Variants in MOV10L1 observed in about 807,000 individuals in gnomAD.
MOV10L1 encodes the protein Mov10 like RNA helicase 1.
In MOV10L1, 110 loss-of-function variants were observed where a neutral mutation model predicts 143.8. The ratio of observed to expected loss-of-function variants is 0.76; its 90% CI spans 0.66 to 0.90. The LOEUF (loss-of-function observed/expected upper bound fraction) is 0.90. MOV10L1 is among the 40% of genes least tolerant of loss of function. The pLI is 0.00. For synonymous variants in MOV10L1, 593 were observed against 581.1 expected (o/e 1.02, Z -0.29); for missense variants, 1,406 against 1,526.8 (o/e 0.92, Z 1.32).
At chr22:50,120,169 G>T (rs1156275984) in intron 9 of MOV10L1, among the ~76,000 whole-genome samples, 1 of 152,198 alleles carries the variant, frequency 6.6e-6, no homozygotes, top group Non-Finnish European at 1.5e-5. Flanking sequence ...AGTAGGAAGA[G>T]CTTAGCTCAT....
chr22:50,107,330 G>C (rs1602158146), intron 3 of MOV10L1, among the ~76,000 whole-genome samples: 1 of 152,160 alleles, frequency 6.6e-6, no homozygotes, highest in Non-Finnish European at 1.5e-5. Flanking sequence ...CCAAAGTGCT[G>C]GGATTACAGG....
At chr22:50,121,271 A>G (rs1875128098) in intron 10 of MOV10L1, among the ~76,000 whole-genome samples, 1 of 152,172 alleles carries the variant, frequency 6.6e-6, no homozygotes, top group South Asian at 2.1e-4. Context: ...GGTGTTCACC[A>G]TGCGCCCTTC....
chr22:50,109,889 G>A (rs541005760), intron 5 of MOV10L1, among the ~76,000 whole-genome samples: 4 of 152,126 alleles, frequency 2.6e-5, no homozygotes, highest in South Asian at 2.1e-4. Context: ...GGTGGCTCAC[G>A]CCTGTAATCC....
chr22:50,122,292 G>A (rs1266639132), intron 10 of MOV10L1, among the ~76,000 whole-genome samples: 1 of 152,156 alleles, frequency 6.6e-6, no homozygotes, highest in East Asian at 1.9e-4. Context: ...TAATTTGTAA[G>A]TATTTTATTA....
chr22:50,118,027 C>T (rs1472033437), intron 9 of MOV10L1, among the ~76,000 whole-genome samples: 1 of 152,056 alleles, frequency 6.6e-6, no homozygotes, highest in Admixed American at 6.6e-5. Flanking sequence ...GGTTTGAGCT[C>T]TGCTACTACC....
At chr22:50,102,162 A>T (rs1411645096) in intron 3 of MOV10L1, among the ~76,000 whole-genome samples, 3 of 152,210 alleles carry the variant, frequency 2.0e-5, no homozygotes, top group African/African-American at 7.2e-5. Flanking sequence ...AGGCTGAGAG[A>T]GTCACACTCA....
intron 20 of MOV10L1, among the ~76,000 whole-genome samples, chr22:50,150,337 C>T (rs781132301): frequency 2.6e-5 from 4 of 152,138 alleles, no homozygotes; most frequent in African/African-American, 7.2e-5. Flanking sequence ...GGCAGAGCAG[C>T]GGCATAGGGC....
Position 50,134,533 on chromosome 22 carries a change from T to C in MOV10L1, c.1973T>C (p.Leu658Ser). 1 of 1,614,084 alleles carries C rather than the reference T, an allele frequency of 6.2e-7. No individual in the cohort carries two copies. The highest frequency in any genetic ancestry group is 8.5e-7 in the Non-Finnish European group (1 of 1,179,942). ...TTACCATTTTTTGTTTTAAAAGTGT[T>C]GTTTCCAGAAGAAATTATTTTACAG... ...EHVIHLGVKV[L>S]FPEEIILQSP... is the part of the protein sequence containing the mutation. The change falls in exon 15 of 27, where the codon TTG (leucine) becomes TCG (serine). Residue 658 changes from leucine to serine, a missense_variant. By Grantham distance (145) the Leu-to-Ser change is moderately radical (BLOSUM62 -2). Around this residue, in one of 3 missense-constraint regions of MOV10L1, gnomAD observed 1,233 missense variants for 1,351.4 expected, o/e 0.91. Transcript: ENST00000262794.
intron 5 of MOV10L1, among the ~76,000 whole-genome samples, chr22:50,110,171 C>T (rs1036664872): frequency 4.7e-5 from 7 of 150,440 alleles, no homozygotes; most frequent in Non-Finnish European, 8.9e-5. Context: ...ACTGTCTTGC[C>T]GGGCGCGGTG....
At chr22:50,094,704 A>G (rs2062544651) in intron 2 of MOV10L1, 2 of 152,162 alleles carry the variant, frequency 1.3e-5, no homozygotes, top group Admixed American at 6.5e-5. Flanking sequence ...AGCGATTTTT[A>G]AATGTAATTT....
chr22:50,159,922 C>A lies in MOV10L1; in HGVS notation c.3324+137C>A. On this transcript the variant is annotated intron_variant, in intron 24 of 26. Coordinates refer to ENST00000262794, the MANE Select transcript of MOV10L1 (RefSeq NM_018995.3). The surrounding 1 kb of genome is among the most constrained non-coding windows in gnomAD (Gnocchi z 4.1). Reference sequence around the variant, plus strand: ...GCTGCAGGCGGAGACTCCCTAGGTCCAGGAGCCATTGTAAGCAGTGGCTGT... The same window carrying A: ...GCTGCAGGCGGAGACTCCCTAGGTCAAGGAGCCATTGTAAGCAGTGGCTGT... 1.6e-6 allele frequency: 1 copy of A among 615,496 alleles called. No individual in the cohort carries two copies. Among genetic ancestry groups the A allele is most frequent in the Non-Finnish European group, 2.9e-6 (1 of 348,352 alleles). 38.1% of individuals were successfully genotyped at this position (615,496 alleles called of 1,614,324 possible).
At chr22:50,146,991 G>T in intron 19 of MOV10L1, 2 of 1,464,610 alleles carry the variant, frequency 1.4e-6, no homozygotes, top group South Asian at 1.2e-5. Context: ...TACCGGATTG[G>T]ACAGCACGGA....
intron 19 of MOV10L1, chr22:50,149,281 A>G (rs1476134351): frequency 3.7e-6 from 1 of 272,098 alleles, no homozygotes. Flanking sequence ...ACGCAGGTGG[A>G]GAGCAGGCCA....
chr22:50,115,817 G>A (rs190036660), intron 8 of MOV10L1, among the ~76,000 whole-genome samples: 30 of 152,296 alleles, frequency 2.0e-4, no homozygotes, highest in East Asian at 7.7e-4. Flanking sequence ...CCCGTGTTCC[G>A]CATAGCCAAG....
Position 50,099,526 on chromosome 22 carries a change from C to G in MOV10L1, c.366C>G (p.Gly122=). The G allele has an allele frequency of 6.2e-7, 1 of 1,614,238 alleles. No homozygotes were observed. The stretch of plus-strand genomic sequence containing the variant: ...ACTGCGGCCCCCGAGTGTTGATTGG[C>G]TGTGTGACTTCCCTGGTGGAGGGCG... ...PSDCGPRVLI[G]CVTSLVEGAG... Residue 122 remains glycine, a synonymous_variant, in exon 3 of 27, where the codon GGC becomes GGG. Coordinates refer to ENST00000262794, the MANE Select transcript of MOV10L1 (RefSeq NM_018995.3).
chr22:50,150,054 G>T (rs1331221221), intron 20 of MOV10L1, among the ~76,000 whole-genome samples: 1 of 152,144 alleles, frequency 6.6e-6, no homozygotes, highest in African/African-American at 2.4e-5. Context: ...TGACCCACTT[G>T]CCCCTCAGGC....
At chr22:50,119,666 C>G (rs769674633) in intron 9 of MOV10L1, among the ~76,000 whole-genome samples, 5 of 150,012 alleles carry the variant, frequency 3.3e-5, no homozygotes, top group Non-Finnish European at 5.9e-5. Flanking sequence ...AAATACACCT[C>G]GCATGTGAGC....
chr22:50,090,406 G>A (rs1180569621), intron 1 of MOV10L1: 22 of 1,571,588 alleles, frequency 1.4e-5, no homozygotes, highest in Non-Finnish European at 1.8e-5. Flanking sequence ...AGGTCTCTCC[G>A]GTGACACCAG....
intron 13 of MOV10L1, among the ~76,000 whole-genome samples, chr22:50,131,159 T>C (rs1383189653): frequency 2.6e-5 from 4 of 151,798 alleles, no homozygotes; most frequent in East Asian, 1.9e-4. Context: ...CTGCCCACCT[T>C]GGCCTCCCAA....
Sources: gnomAD v4.1 joint callset for allele counts (sites outside exome capture counted in the v4.1 genomes callset) on GRCh38, gnomAD v4.1.1 for gene constraint, gnomAD v4.1.1 regional missense constraint, Gnocchi (gnomAD v3.1) non-coding constraint, MANE v1.5 for transcripts, NCBI Gene and HGNC (gene_info 2026-07-23, HGNC 2026-07-21) for gene names.